The following GRM8 variants were observed in gnomAD, a reference collection of about 807,000 sequenced individuals.
GRM8 encodes the protein metabotropic glutamate receptor 8.
A neutral mutation model predicts 87.2 loss-of-function variants in GRM8; 47 were observed. That is an observed-to-expected ratio of 0.54 (90% confidence interval 0.43 to 0.69). The LOEUF is 0.69. GRM8 is among the 30% of genes least tolerant of loss of function. The pLI is 0.00. For synonymous variants in GRM8, 396 were observed against 404.5 expected (o/e 0.98, Z 0.25); for missense variants, 1,019 against 1,139.2 (o/e 0.89, Z 1.52).
intron 3 of GRM8, among the ~76,000 whole-genome samples, chr7:126,907,264 G>GAGGAGTAAGAGAA (rs1164853255): frequency 5.1e-4 from 24 of 46,606 alleles, no homozygotes; most frequent in African/African-American, 1.9e-3. Context: ...TAAGAGAAAG[G>GAGGAGTAAGAGAA]AGGAGGAGGA....
At chr7:126,970,777 T>C (rs1295648335) in intron 3 of GRM8, among the ~76,000 whole-genome samples, 1 of 152,102 alleles carries the variant, frequency 6.6e-6, no homozygotes, top group African/African-American at 2.4e-5. Context: ...CATTTCTAGC[T>C]TTTAATTGAA....
At chr7:126,481,992 C>A (rs927847405) in intron 9 of GRM8, among the ~76,000 whole-genome samples, 1 of 151,840 alleles carries the variant, frequency 6.6e-6, no homozygotes, top group Non-Finnish European at 1.5e-5. Context: ...AAGAAATGGG[C>A]AAAGGACTTG....
intron 9 of GRM8, among the ~76,000 whole-genome samples, chr7:126,471,798 T>C (rs368388287): frequency 9.3e-4 from 142 of 152,086 alleles, no homozygotes; most frequent in African/African-American, 1.9e-3. Context: ...GCCATTTTCA[T>C]GATATTGATT....
intron 7 of GRM8, among the ~76,000 whole-genome samples, chr7:126,706,113 C>T (rs1000483579): frequency 2.0e-5 from 3 of 152,110 alleles, no homozygotes; most frequent in Non-Finnish European, 4.4e-5. Flanking sequence ...TTGCAAGTAA[C>T]ATCTGAATTT....
intron 3 of GRM8, among the ~76,000 whole-genome samples, chr7:126,978,291 A>G (rs979699024): frequency 3.3e-5 from 5 of 152,156 alleles, no homozygotes; most frequent in Admixed American, 6.5e-5. Context: ...TTATCTCTAT[A>G]TAGCCTGGAC....
At chr7:126,545,201 G>A (rs1817009725) in intron 8 of GRM8, among the ~76,000 whole-genome samples, 1 of 152,156 alleles carries the variant, frequency 6.6e-6, no homozygotes, top group African/African-American at 2.4e-5. Flanking sequence ...GTGGTTTAAG[G>A]GAAGGGTGCA....
At chr7:126,607,713 TATACTTTAA>T (rs1300888714) in intron 8 of GRM8, among the ~76,000 whole-genome samples, 4 of 152,116 alleles carry the variant, frequency 2.6e-5, no homozygotes, top group African/African-American at 9.7e-5. Flanking sequence ...TTATTATTAT[TATACTTTAA>T]GTTTTAGGGT....
intron 7 of GRM8, among the ~76,000 whole-genome samples, chr7:126,756,192 C>A (rs1416697479): frequency 6.6e-6 from 1 of 151,940 alleles, no homozygotes; most frequent in African/African-American, 2.4e-5. Flanking sequence ...GCTGGAACAA[C>A]TGGACAACCC....
At chr7:127,199,380 T>G (rs931499900) in intron 2 of GRM8, among the ~76,000 whole-genome samples, 2 of 152,192 alleles carry the variant, frequency 1.3e-5, no homozygotes, top group Non-Finnish European at 2.9e-5. Flanking sequence ...AGATGAAGAG[T>G]TGGTCCTAGT....
At position 126,851,754 on chromosome 7, in the gene GRM8, C is replaced by A. The variant is rs572326784; in HGVS notation, c.1156+50788G>T. Among the ~76,000 whole-genome samples the A allele has an allele frequency of 8.5e-5, 13 of 152,252 alleles. No individual in the cohort carries two copies. The East Asian group carries it at 2.5e-3, about 29-fold the overall frequency. ...GTCATCTCAGGGTGTTCCTCCCCAG[C>A]CTTTCTGTCTAAAATGGTAACCTCC... On this transcript the variant is annotated intron_variant, in intron 6 of 10. Coordinates refer to ENST00000339582, the MANE Select transcript of GRM8 (RefSeq NM_000845.3).
intron 3 of GRM8, among the ~76,000 whole-genome samples, chr7:127,077,967 T>C (rs1822468068): frequency 6.6e-6 from 1 of 152,218 alleles, no homozygotes; most frequent in Non-Finnish European, 1.5e-5. Flanking sequence ...AGGCCAGGGA[T>C]GCTGGTAAAC....
intron 3 of GRM8, among the ~76,000 whole-genome samples, chr7:126,934,506 C>CA (rs561247327): frequency 6.4e-4 from 98 of 152,042 alleles, no homozygotes; most frequent in Admixed American, 2.0e-3. Flanking sequence ...ATATTAAAGT[C>CA]AAAAAACATT....
chr7:126,900,920 C>T (rs1369889713), intron 6 of GRM8, among the ~76,000 whole-genome samples: 2 of 152,110 alleles, frequency 1.3e-5, no homozygotes, highest in Non-Finnish European at 2.9e-5. Flanking sequence ...CACACTTCTG[C>T]CAGGCAAATC....
intron 7 of GRM8, among the ~76,000 whole-genome samples, chr7:126,747,923 C>A (rs1192252330): frequency 1.3e-5 from 2 of 151,884 alleles, no homozygotes; most frequent in African/African-American, 2.4e-5. Flanking sequence ...TTTCTATCTA[C>A]AAAAACATAT....
intron 9 of GRM8, among the ~76,000 whole-genome samples, chr7:126,510,089 A>C (rs1811107354): frequency 6.6e-6 from 1 of 152,026 alleles, no homozygotes; most frequent in East Asian, 1.9e-4. Context: ...GAAGGATATG[A>C]ATGAGGTATT....
chr7:126,711,172 CA>C (rs1468187791), intron 7 of GRM8, among the ~76,000 whole-genome samples: 1 of 152,078 alleles, frequency 6.6e-6, no homozygotes, highest in African/African-American at 2.4e-5. Context: ...GAGACTGTCT[CA>C]AAAACATAAA....
At chr7:126,593,500 A>G (rs1048389665) in intron 8 of GRM8, among the ~76,000 whole-genome samples, 5 of 152,060 alleles carry the variant, frequency 3.3e-5, no homozygotes, top group Non-Finnish European at 7.4e-5. Flanking sequence ...CAATGGGGAA[A>G]TCACAGTCTT....
intron 2 of GRM8, among the ~76,000 whole-genome samples, chr7:127,213,489 TG>T (rs1274289617): frequency 1.3e-5 from 2 of 152,242 alleles, no homozygotes; most frequent in Admixed American, 1.3e-4. Flanking sequence ...TTAAATTATG[TG>T]TGTAGCTCAC....
chr7:126,770,804 T>C (rs1305662067), intron 6 of GRM8, among the ~76,000 whole-genome samples: 2 of 152,068 alleles, frequency 1.3e-5, no homozygotes, highest in Non-Finnish European at 2.9e-5. Context: ...AGATCAACTA[T>C]GATCCAACAT....
Sources: allele counts gnomAD v4.1 joint callset (sites outside exome capture counted in the v4.1 genomes callset), GRCh38; gene constraint gnomAD v4.1.1; transcripts MANE v1.5; gene names NCBI Gene and HGNC (gene_info 2026-07-23, HGNC 2026-07-21).